SLC44A5: variants seen among roughly 807,000 people sequenced by gnomAD.
The protein encoded by SLC44A5 is choline transporter-like protein 5.
Under a neutral mutation model 101.8 loss-of-function variants are expected in SLC44A5, and 57 were observed. The observed-to-expected ratio is 0.56, with a 90% CI of 0.45 to 0.70. The LOEUF (loss-of-function observed/expected upper bound fraction) is 0.70. SLC44A5 is among the 30% of genes least tolerant of loss of function. The pLI is 0.00. For missense variants in SLC44A5, 737 were observed against 853.1 expected, an observed-to-expected ratio of 0.86 and a Z score of 1.70; for synonymous variants, 281 against 290.9, an observed-to-expected ratio of 0.97 and a Z score of 0.35.
At chr1:75,535,433 T>C (rs193006441) in intron 2 of SLC44A5, among the ~76,000 whole-genome samples, 1 of 152,252 alleles carries the variant, frequency 6.6e-6, no homozygotes, top group Admixed American at 6.5e-5. Context: ...AGTTCTAGGG[T>C]TCTTCCATCG....
At chr1:75,383,876 G>A (rs1317510748) in intron 3 of SLC44A5, among the ~76,000 whole-genome samples, 2 of 152,176 alleles carry the variant, frequency 1.3e-5, no homozygotes, top group Admixed American at 6.5e-5. Flanking sequence ...AACCCTACAA[G>A]CCAGGAGAGA....
At chr1:75,489,787 CT>C (rs1668339971) in intron 2 of SLC44A5, among the ~76,000 whole-genome samples, 1 of 152,176 alleles carries the variant, frequency 6.6e-6, no homozygotes, top group African/African-American at 2.4e-5. Flanking sequence ...CCAATAACAA[CT>C]TAGGTCTCCA....
the SLC44A5 span, among the ~76,000 whole-genome samples, chr1:75,683,013 C>T: frequency 1.3e-5 from 2 of 151,984 alleles, no homozygotes; most frequent in Non-Finnish European, 2.9e-5. Flanking sequence ...AAATGCTCAC[C>T]ATCACTGGCC....
chr1:75,413,422 C>T (rs1189901897), intron 2 of SLC44A5, among the ~76,000 whole-genome samples: 2 of 152,022 alleles, frequency 1.3e-5, no homozygotes, highest in African/African-American at 4.8e-5. Context: ...ACCACAGGAC[C>T]AACATAAGAA....
chr1:75,672,764 G>A, the SLC44A5 span, among the ~76,000 whole-genome samples: 1 of 152,140 alleles, frequency 6.6e-6, no homozygotes, highest in Admixed American at 6.5e-5. Context: ...TACCACCTCA[G>A]CCGCAGTAGA....
At chr1:75,646,099 T>C in the SLC44A5 span, among the ~76,000 whole-genome samples, 2 of 135,284 alleles carry the variant, frequency 1.5e-5, 1 homozygote, top group African/African-American at 5.0e-5. Context: ...GGCTTAGGAT[T>C]GACTTGGCAA....
chr1:75,611,214 G>T, upstream of SLC44A5: 3 of 400,472 alleles, frequency 7.5e-6, no homozygotes, highest in Non-Finnish European at 6.8e-6. Context: ...AGCCTTGCTA[G>T]CCTCAAAGGA....
At chr1:75,301,420 T>C (rs1654440235) in intron 4 of SLC44A5, among the ~76,000 whole-genome samples, 2 of 152,190 alleles carry the variant, frequency 1.3e-5, no homozygotes, top group African/African-American at 4.8e-5. Flanking sequence ...GTTTGGAAGG[T>C]CAAAGGTATG....
the SLC44A5 span, among the ~76,000 whole-genome samples, chr1:75,659,731 T>C: frequency 6.6e-6 from 1 of 150,706 alleles, no homozygotes; most frequent in African/African-American, 2.4e-5. Context: ...CCTGGGAAGT[T>C]GAGGCTGGTG....
chr1:75,451,184 A>G (rs907385293), intron 2 of SLC44A5, among the ~76,000 whole-genome samples: 13 of 152,256 alleles, frequency 8.5e-5, no homozygotes, highest in Middle Eastern at 3.4e-3. Flanking sequence ...CTTGCCCATC[A>G]TGGCCTCCAC....
At chr1:75,717,789 C>A in the SLC44A5 span, among the ~76,000 whole-genome samples, 2 of 152,298 alleles carry the variant, frequency 1.3e-5, no homozygotes, top group South Asian at 4.1e-4. Context: ...TAATACAACA[C>A]TGCCAAAAGT....
At chr1:75,531,696 C>T (rs969999712) in intron 2 of SLC44A5, among the ~76,000 whole-genome samples, 2 of 152,180 alleles carry the variant, frequency 1.3e-5, no homozygotes, top group African/African-American at 2.4e-5. Context: ...ATCTCTTTAT[C>T]TTACCATCCT....
At chr1:75,231,194 A>G (rs1647530101) in intron 12 of SLC44A5, among the ~76,000 whole-genome samples, 1 of 152,148 alleles carries the variant, frequency 6.6e-6, no homozygotes, top group African/African-American at 2.4e-5. Flanking sequence ...AGTTTCAGGT[A>G]TGATCCCCTG....
chr1:75,509,616 G>A (rs1570480613), intron 2 of SLC44A5, among the ~76,000 whole-genome samples: 1 of 152,138 alleles, frequency 6.6e-6, no homozygotes. Context: ...TATGATGTAA[G>A]TTATCTATCC....
At chr1:75,268,391 T>A (rs1203953494) in intron 6 of SLC44A5, among the ~76,000 whole-genome samples, 1 of 152,184 alleles carries the variant, frequency 6.6e-6, no homozygotes, top group Non-Finnish European at 1.5e-5. Context: ...GGCCATCTGC[T>A]TTGTTTTTTT....
At chr1:75,589,792 G>T (rs541457887) in intron 1 of SLC44A5, among the ~76,000 whole-genome samples, 1 of 152,242 alleles carries the variant, frequency 6.6e-6, no homozygotes, top group South Asian at 2.1e-4. Context: ...ATTGAACTCA[G>T]TGATGTTCTG....
At chr1:75,675,942 G>GA in the SLC44A5 span, among the ~76,000 whole-genome samples, 1 of 152,144 alleles carries the variant, frequency 6.6e-6, no homozygotes, top group East Asian at 1.9e-4. Flanking sequence ...ACAAACATAT[G>GA]AAAAAAAGCT....
In SLC44A5 at chr1:75,276,234, G is replaced by A. The variant is rs79189088; in HGVS notation, c.176-1192C>T. Among the ~76,000 whole-genome samples the A allele has an allele frequency of 2.3e-3, 352 of 152,106 alleles. 12 individuals carry two copies. The East Asian group carries it at 0.061, about 27-fold the overall frequency. ...CTCATTCGGGTAGCTCTCAGCTGCC[G>A]TATCTTCCCGTCTCTATTTCCCAGA... On this transcript the variant is annotated intron_variant, in intron 5 of 23. Coordinates refer to ENST00000370859, the MANE Select transcript of SLC44A5 (RefSeq NM_001130058.2).
intron 5 of SLC44A5, among the ~76,000 whole-genome samples, chr1:75,287,598 G>A (rs913043498): frequency 4.6e-5 from 7 of 151,966 alleles, no homozygotes; most frequent in South Asian, 4.2e-4. Context: ...AAGATCTGGG[G>A]CTCAAGGGCC....
Sources: gnomAD v4.1 joint callset for allele counts (sites outside exome capture counted in the v4.1 genomes callset) on GRCh38, gnomAD v4.1.1 for gene constraint, MANE v1.5 for transcripts, NCBI Gene and HGNC (gene_info 2026-07-23, HGNC 2026-07-21) for gene names.